Variants in CLDN10 observed in about 807,000 individuals in gnomAD.
CLDN10 encodes the protein claudin 10, also known as claudin-10.
Under a neutral mutation model 22.9 loss-of-function variants are expected in CLDN10, and 15 were observed. The observed-to-expected ratio is 0.65, with a 90% CI of 0.44 to 1.01. The LOEUF is 1.01. Ranked by LOEUF, CLDN10 falls within the 50% of genes least tolerant of loss-of-function variation. The pLI, the probability that CLDN10 is intolerant of heterozygous loss-of-function variation, is 0.00. For synonymous variants in CLDN10, 114 were observed against 111.4 expected (o/e 1.02, Z -0.15); for missense variants, 247 against 287.8 (o/e 0.86, Z 1.03).
chr13:95,551,039 G>C (rs1402594707), upstream of CLDN10, among the ~76,000 whole-genome samples: 4 of 151,906 alleles, frequency 2.6e-5, no homozygotes, highest in Non-Finnish European at 5.9e-5. Flanking sequence ...GATACATCAG[G>C]ACAAGCTGGG....
intron 1 of CLDN10, among the ~76,000 whole-genome samples, chr13:95,512,810 C>G (rs2043118788): frequency 6.6e-6 from 1 of 152,200 alleles, no homozygotes; most frequent in South Asian, 2.1e-4. Flanking sequence ...TTTTCACCCA[C>G]AGAAAGTGCC....
At chr13:95,547,192 A>G (rs2043518701) in intron 1 of CLDN10, among the ~76,000 whole-genome samples, 1 of 151,624 alleles carries the variant, frequency 6.6e-6, no homozygotes, top group East Asian at 1.9e-4. Flanking sequence ...ACCCTTTTAA[A>G]TTTAACTGTC....
intron 3 of CLDN10, among the ~76,000 whole-genome samples, chr13:95,572,580 T>C (rs2043877425): frequency 6.6e-6 from 1 of 152,208 alleles, no homozygotes; most frequent in Non-Finnish European, 1.5e-5. Flanking sequence ...CTGACAGTAA[T>C]AGTAGCTATT....
rs867866889 is a variant in CLDN10, at chr13:95,434,963, C to T, written c.214+916C>T. On this transcript the variant is annotated intron_variant, in intron 1 of 4. Transcript: ENST00000376873. ...AATAACAGCAAGAAAAATTTGAAAGCGGTTAAGTGAAAGAAAATGCTGTTT... is the reference window on the plus strand; with the variant it reads ...AATAACAGCAAGAAAAATTTGAAAGTGGTTAAGTGAAAGAAAATGCTGTTT... Among the ~76,000 whole-genome samples, 9 of 151,870 alleles carry T rather than the reference C, an allele frequency of 5.9e-5. No homozygotes were observed. In the South Asian group the frequency reaches 6.3e-4, roughly 11 times the overall value.
intron 1 of CLDN10, among the ~76,000 whole-genome samples, chr13:95,504,249 A>C (rs951171003): frequency 6.6e-5 from 10 of 152,254 alleles, no homozygotes; most frequent in Non-Finnish European, 1.5e-4. Flanking sequence ...ATGGACAGGA[A>C]AACAGGAATA....
At position 95,467,018 on chromosome 13, in the gene CLDN10, A is replaced by G. The variant is rs1487976743; in HGVS notation, c.214+32971A>G. On this transcript the variant is annotated intron_variant, in intron 1 of 4. Transcript: ENST00000376873. ...CAGCCTCCCGAGTAGCTAGGACTAC[A>G]GGCGCCTGCCACCATGCCCGTTTTT... Among the ~76,000 whole-genome samples, 6 of 145,928 alleles carry G rather than the reference A, an allele frequency of 4.1e-5. No homozygotes were observed. In the East Asian group the frequency reaches 1.2e-3, roughly 30 times the overall value.
upstream of CLDN10, among the ~76,000 whole-genome samples, chr13:95,550,965 G>A (rs538820269): frequency 6.6e-6 from 1 of 151,644 alleles, no homozygotes; most frequent in East Asian, 2.0e-4. Context: ...GAGCCACTGC[G>A]CCCAGCCAGG....
intron 1 of CLDN10, among the ~76,000 whole-genome samples, chr13:95,465,242 G>A: frequency 6.6e-6 from 1 of 151,986 alleles, no homozygotes; most frequent in East Asian, 1.9e-4. Context: ...AAACAGTATG[G>A]GGAAAACCGC....
chr13:95,525,210 CATT>C lies in CLDN10; in HGVS notation c.215-34915_215-34913del, dbSNP rs1475625645. 5.3e-5 allele frequency among the ~76,000 whole-genome samples: 8 copies of C among 152,178 alleles called. No homozygotes were observed. The East Asian group carries it at 1.5e-3, about 29-fold the overall frequency. The stretch of plus-strand genomic sequence containing the variant: ...TCTTAGTATGTTTGAAATGGTAACT[CATT>C]ATTATTTTGATTTGCATTTTCCTAA... On this transcript the variant is annotated intron_variant, in intron 1 of 4. Coordinates refer to the CLDN10 transcript ENST00000376873.
upstream of CLDN10, chr13:95,552,594 A>AG (rs1437509907): frequency 1.1e-5 from 9 of 827,626 alleles, no homozygotes; most frequent in South Asian, 6.7e-5. Context: ...CATGGGTGTG[A>AG]GGGGTCGCGT....
chr13:95,572,846 G>A (rs1019125101), intron 3 of CLDN10, among the ~76,000 whole-genome samples: 5 of 152,192 alleles, frequency 3.3e-5, no homozygotes, highest in African/African-American at 1.2e-4. Context: ...ACCAGAGGAG[G>A]TTACACCAGC....
At chr13:95,575,590 C>CGTGTGTGTGTGTGTGTGTGTGTGTGT (rs112441621) in intron 3 of CLDN10, among the ~76,000 whole-genome samples, 5 of 151,742 alleles carry the variant, frequency 3.3e-5, no homozygotes, top group Admixed American at 2.6e-4. Context: ...CTGCTCAGTT[C>CGTGTGTGTGTGTGTGTGTGTGTGTGT]GTGTGTGTGT....
intron 1 of CLDN10, among the ~76,000 whole-genome samples, chr13:95,492,999 G>A (rs1254869192): frequency 6.6e-6 from 1 of 152,170 alleles, no homozygotes; most frequent in Non-Finnish European, 1.5e-5. Context: ...CACTTCCGCA[G>A]TTGGGGCACT....
At chr13:95,475,794 C>G (rs1330818158) in intron 1 of CLDN10, among the ~76,000 whole-genome samples, 4 of 151,330 alleles carry the variant, frequency 2.6e-5, no homozygotes, top group Non-Finnish European at 4.4e-5. Context: ...GCATCTCTCT[C>G]TCTCTCTCTG....
intron 1 of CLDN10, among the ~76,000 whole-genome samples, chr13:95,434,345 G>A (rs192345697): frequency 4.4e-4 from 67 of 152,088 alleles, no homozygotes; most frequent in African/African-American, 1.5e-3. Context: ...AATTTGCCTT[G>A]AGTCATGGAG....
intron 1 of CLDN10, among the ~76,000 whole-genome samples, chr13:95,503,000 G>A (rs2043002290): frequency 1.3e-5 from 2 of 152,184 alleles, no homozygotes; most frequent in Non-Finnish European, 1.5e-5. Context: ...GTTCCCAGTG[G>A]CCACCCAAGC....
chr13:95,475,429 G>T (rs1482954658), intron 1 of CLDN10, among the ~76,000 whole-genome samples: 1 of 152,208 alleles, frequency 6.6e-6, no homozygotes, highest in Non-Finnish European at 1.5e-5. Context: ...ATGAGGCTCT[G>T]CAACCACCAT....
rs552280763 is a variant in CLDN10, at chr13:95,437,174, A to T, written c.214+3127A>T. On this transcript the variant is annotated intron_variant, in intron 1 of 4. Transcript: ENST00000376873. ...TAGGGCTTCATTTGGATTAATAGTG[A>T]CTACATCCCTTAAAAATTTGATGTG... Among the ~76,000 whole-genome samples, 9 of 152,274 alleles carry T rather than the reference A, an allele frequency of 5.9e-5. No individual in the cohort carries two copies. In the South Asian group the frequency reaches 1.7e-3, roughly 28 times the overall value.
chr13:95,531,613 C>A (rs1209324155), intron 1 of CLDN10, among the ~76,000 whole-genome samples: 1 of 152,050 alleles, frequency 6.6e-6, no homozygotes, highest in African/African-American at 2.4e-5. Context: ...TCATTGCAAC[C>A]TCCACCTCCT....
Sources: gnomAD v4.1 joint callset for allele counts (sites outside exome capture counted in the v4.1 genomes callset) on GRCh38, gnomAD v4.1.1 for gene constraint, MANE v1.5 for transcripts, NCBI Gene and HGNC (gene_info 2026-07-23, HGNC 2026-07-21) for gene names.